MSRB3: variants seen among roughly 807,000 people sequenced by gnomAD.
MSRB3 encodes methionine-R-sulfoxide reductase B3.
Under a neutral mutation model 21.0 loss-of-function variants are expected in MSRB3, and 13 were observed. That is an observed-to-expected ratio of 0.62 (90% CI 0.40 to 0.98). The LOEUF (loss-of-function observed/expected upper bound fraction) is 0.98. Among genes scored for constraint, MSRB3 ranks in the 50% least tolerant of loss-of-function variants. The pLI, the probability that MSRB3 is intolerant of heterozygous loss-of-function variation, is 0.00. For missense variants in MSRB3, 199 were observed against 230.3 expected (o/e 0.86, Z 0.88); for synonymous variants, 87 against 88.6 (o/e 0.98, Z 0.10).
chr12:65,422,736 A>G (rs1201241141), intron 5 of MSRB3, among the ~76,000 whole-genome samples: 6 of 151,790 alleles, frequency 4.0e-5, no homozygotes, highest in Middle Eastern at 3.4e-3. Context: ...TTTTAAATCA[A>G]TGTTTTATAG....
chr12:65,447,730 A>G (rs1022678688), intron 5 of MSRB3, among the ~76,000 whole-genome samples: 2 of 152,184 alleles, frequency 1.3e-5, no homozygotes, highest in Admixed American at 1.3e-4. Flanking sequence ...TTAGAGAAAG[A>G]TGGGGAGAAA....
intron 5 of MSRB3, among the ~76,000 whole-genome samples, chr12:65,382,834 T>C (rs1021504192): frequency 3.9e-5 from 6 of 151,992 alleles, no homozygotes; most frequent in African/African-American, 1.4e-4. Flanking sequence ...ATATATGTTA[T>C]ACACACACCC....
At chr12:65,446,984 C>T (rs1882649135) in intron 5 of MSRB3, among the ~76,000 whole-genome samples, 1 of 152,198 alleles carries the variant, frequency 6.6e-6, no homozygotes, top group South Asian at 2.1e-4. Context: ...CACAAGAAAA[C>T]AAGCCTGGAA....
intron 3 of MSRB3, among the ~76,000 whole-genome samples, chr12:65,327,909 A>C (rs533629273): frequency 6.6e-6 from 1 of 152,366 alleles, no homozygotes. Context: ...AATGCACACA[A>C]ACAACCAGAG....
rs547379184 is a variant in MSRB3, at chr12:65,320,248, A to G, written c.77-6578A>G. On this transcript the variant is annotated intron_variant, in intron 2 of 6. Transcript: ENST00000308259. ...AGAACAAATCTTTACCTTAAGAAGA[A>G]ACAATTATCTTTTTTCTGAGTCCTA... Among the ~76,000 whole-genome samples the G allele has an allele frequency of 1.1e-4, 16 of 152,336 alleles. No homozygotes were observed. In the South Asian group the frequency reaches 3.3e-3, roughly 32 times the overall value.
intron 4 of MSRB3, chr12:65,344,330 A>C (rs1876342995): frequency 6.6e-6 from 1 of 151,772 alleles, no homozygotes; most frequent in Non-Finnish European, 1.5e-5. Context: ...GTTATTGCCG[A>C]TTGGTGTTGA....
intron 4 of MSRB3, among the ~76,000 whole-genome samples, chr12:65,337,014 C>G (rs1218426240): frequency 6.6e-6 from 1 of 152,098 alleles, no homozygotes; most frequent in South Asian, 2.1e-4. Context: ...GCGGCTGAGG[C>G]GGGCGGATCA....
intron 4 of MSRB3, among the ~76,000 whole-genome samples, chr12:65,353,201 G>A (rs1252827065): frequency 6.6e-6 from 1 of 152,118 alleles, no homozygotes; most frequent in African/African-American, 2.4e-5. Flanking sequence ...TGTATATTCT[G>A]TTGATTTGGG....
intron 6 of MSRB3, among the ~76,000 whole-genome samples, chr12:65,459,763 T>C (rs1051673814): frequency 2.0e-5 from 3 of 152,184 alleles, no homozygotes; most frequent in African/African-American, 7.2e-5. Context: ...GGGAAATACA[T>C]CAGTGCAGAA....
chr12:65,345,735 C>G (rs1876453038), intron 4 of MSRB3, among the ~76,000 whole-genome samples: 1 of 152,076 alleles, frequency 6.6e-6, no homozygotes, highest in Non-Finnish European at 1.5e-5. Context: ...TCCCCACTCA[C>G]CCCACCCCAC....
chr12:65,406,563 T>A (rs117784929), intron 5 of MSRB3, among the ~76,000 whole-genome samples: 1,806 of 152,260 alleles, frequency 0.012, 70 homozygotes, highest in South Asian at 0.071. Context: ...CCAAATAACA[T>A]TTTTCACAGA....
chr12:65,455,997 A>G (rs1055512684), intron 6 of MSRB3, among the ~76,000 whole-genome samples: 2 of 152,120 alleles, frequency 1.3e-5, no homozygotes, highest in Admixed American at 1.3e-4. Flanking sequence ...TCAGCCTCCT[A>G]AAGTGCTGGG....
chr12:65,318,245 GAAATTT>G (rs1201012277), intron 2 of MSRB3, among the ~76,000 whole-genome samples: 1 of 152,010 alleles, frequency 6.6e-6, no homozygotes, highest in African/African-American at 2.4e-5. Flanking sequence ...TGTAATTTTG[GAAATTT>G]GCAAAGCTGA....
intron 5 of MSRB3, among the ~76,000 whole-genome samples, chr12:65,377,303 C>G (rs997460394): frequency 6.6e-6 from 1 of 152,074 alleles, no homozygotes; most frequent in African/African-American, 2.4e-5. Context: ...TTTTTTGAGA[C>G]AGAGTCTTGC....
intron 1 of MSRB3, among the ~76,000 whole-genome samples, chr12:65,280,687 T>C (rs772206508): frequency 5.3e-5 from 8 of 152,226 alleles, no homozygotes; most frequent in Non-Finnish European, 1.0e-4. Flanking sequence ...TTGCTACTTA[T>C]CTAGAATTTT....
intron 5 of MSRB3, among the ~76,000 whole-genome samples, chr12:65,390,568 A>C (rs1257703295): frequency 1.3e-5 from 2 of 152,222 alleles, no homozygotes; most frequent in Non-Finnish European, 2.9e-5. Flanking sequence ...TGGGAATATA[A>C]ATTGATGCAA....
At chr12:65,289,974 A>G (rs996715326) in intron 1 of MSRB3, among the ~76,000 whole-genome samples, 1 of 152,158 alleles carries the variant, frequency 6.6e-6, no homozygotes, top group African/African-American at 2.4e-5. Flanking sequence ...TATATAACTC[A>G]TCTTTCTAAA....
chr12:65,418,471 T>C (rs1247527978), intron 5 of MSRB3, among the ~76,000 whole-genome samples: 1 of 152,200 alleles, frequency 6.6e-6, no homozygotes, highest in Non-Finnish European at 1.5e-5. Context: ...GTTGTTTCCT[T>C]TGCTGTGCAG....
chr12:65,454,240 A>G (rs1882990086), intron 6 of MSRB3: 2 of 359,048 alleles, frequency 5.6e-6, no homozygotes, highest in African/African-American at 4.1e-5. Flanking sequence ...GTGAGCTGTG[A>G]TCATGCCACT....
Sources: allele counts gnomAD v4.1 joint callset (sites outside exome capture counted in the v4.1 genomes callset), GRCh38; gene constraint gnomAD v4.1.1; transcripts MANE v1.5; gene names NCBI Gene and HGNC (gene_info 2026-07-23, HGNC 2026-07-21).